Variants in RORA observed in about 807,000 individuals in gnomAD.
RORA encodes nuclear receptor ROR-alpha.
RORA carries 7 observed loss-of-function variants against 69.5 expected under a neutral mutation model. The ratio of observed to expected loss-of-function variants is 0.10; its 90% CI spans 0.06 to 0.19. The LOEUF (loss-of-function observed/expected upper bound fraction) is 0.19. Among genes scored for constraint, RORA ranks in the 10% least tolerant of loss-of-function variants. RORA has a pLI of 1.00. For synonymous variants in RORA, 261 were observed against 240.8 expected (o/e 1.08, Z -0.78); for missense variants, 457 against 663.0 (o/e 0.69, Z 3.41).
intron 1 of RORA, among the ~76,000 whole-genome samples, chr15:60,738,154 A>G (rs2071527157): frequency 1.3e-5 from 2 of 152,222 alleles, no homozygotes; most frequent in South Asian, 4.1e-4. Flanking sequence ...CCGAGACCGT[A>G]GCAGCTTCTG....
intron 1 of RORA, among the ~76,000 whole-genome samples, chr15:60,683,291 G>A (rs1312283720): frequency 8.2e-6 from 1 of 122,416 alleles, no homozygotes; most frequent in Non-Finnish European, 1.7e-5. Flanking sequence ...GATTAAAGGC[G>A]TAAGCCACCT....
At chr15:60,875,893 G>A (rs967814844) in intron 1 of RORA, among the ~76,000 whole-genome samples, 1 of 152,138 alleles carries the variant, frequency 6.6e-6, no homozygotes, top group Admixed American at 6.5e-5. Context: ...TCACCTGATG[G>A]CAGGCTCCAG....
At chr15:61,083,217 C>T (rs1038616118) in intron 1 of RORA, among the ~76,000 whole-genome samples, 2 of 152,194 alleles carry the variant, frequency 1.3e-5, no homozygotes, top group African/African-American at 4.8e-5. Flanking sequence ...GAGGCTGACA[C>T]GGCTTCCCTC....
intron 1 of RORA, among the ~76,000 whole-genome samples, chr15:61,218,674 T>TCACACA (rs3054672): frequency 0.49 from 69,576 of 142,662 alleles, 18,676 homozygotes; most frequent in South Asian, 0.64. Context: ...CTAATATAAC[T>TCACACA]CACACACACA....
intron 1 of RORA, among the ~76,000 whole-genome samples, chr15:60,986,778 A>C (rs954776489): frequency 6.6e-6 from 1 of 152,170 alleles, no homozygotes; most frequent in Admixed American, 6.5e-5. Flanking sequence ...AAGCTGTCAC[A>C]TGGGGGTCAG....
At chr15:61,161,645 A>C (rs2079496805) in intron 1 of RORA, among the ~76,000 whole-genome samples, 2 of 151,324 alleles carry the variant, frequency 1.3e-5, no homozygotes, top group Non-Finnish European at 2.9e-5. Context: ...ATAACTACAA[A>C]AATAGAATCT....
In RORA at chr15:60,749,293, T is replaced by G. The variant is rs146707090; in HGVS notation, c.167-70607A>C. Among the ~76,000 whole-genome samples the G allele has an allele frequency of 1.9e-3, 287 of 152,352 alleles. 4 individuals carry two copies. The East Asian group carries it at 0.022, about 12-fold the overall frequency. On this transcript the variant is annotated intron_variant, in intron 1 of 10. Transcript: ENST00000335670. Reference sequence around the variant, plus strand: ...CACCATTAATTCTTCCAGTAAATTATTTCTCTAAAACATAGATGTAAAACT... The same window carrying G: ...CACCATTAATTCTTCCAGTAAATTAGTTCTCTAAAACATAGATGTAAAACT...
chr15:60,766,972 G>C (rs915062658), intron 1 of RORA, among the ~76,000 whole-genome samples: 4 of 152,150 alleles, frequency 2.6e-5, no homozygotes, highest in Non-Finnish European at 5.9e-5. Context: ...AGAAGATAGA[G>C]ATCAAAGGCT....
At chr15:61,130,269 C>G (rs1224194895) in intron 1 of RORA, among the ~76,000 whole-genome samples, 1 of 152,184 alleles carries the variant, frequency 6.6e-6, no homozygotes, top group Non-Finnish European at 1.5e-5. Flanking sequence ...GATAAATGTA[C>G]ACATCTGATT....
At chr15:60,847,072 T>C (rs1365613447) in intron 1 of RORA, among the ~76,000 whole-genome samples, 1 of 152,228 alleles carries the variant, frequency 6.6e-6, no homozygotes, top group East Asian at 1.9e-4. Context: ...TGGAATATAC[T>C]TCTTGTCCTA....
At chr15:61,056,505 A>G (rs549489453) in intron 1 of RORA, among the ~76,000 whole-genome samples, 33 of 152,328 alleles carry the variant, frequency 2.2e-4, no homozygotes, top group African/African-American at 6.5e-4. Flanking sequence ...GGAATTAACC[A>G]TATTTTGGGT....
intron 1 of RORA, among the ~76,000 whole-genome samples, chr15:60,761,758 G>C (rs1461357156): frequency 6.6e-6 from 1 of 152,098 alleles, no homozygotes; most frequent in Non-Finnish European, 1.5e-5. Context: ...CACTATATGA[G>C]AATTTTGGTC....
At chr15:61,090,830 CCT>C (rs1318145226) in intron 1 of RORA, among the ~76,000 whole-genome samples, 1 of 152,130 alleles carries the variant, frequency 6.6e-6, no homozygotes, top group African/African-American at 2.4e-5. Context: ...GTTATTCACC[CCT>C]GCCTGATAGC....
intron 1 of RORA, among the ~76,000 whole-genome samples, chr15:60,930,811 G>A (rs1202559384): frequency 1.3e-5 from 2 of 152,192 alleles, no homozygotes; most frequent in African/African-American, 4.8e-5. Context: ...AGGTCCGTGA[G>A]CAGAGATTCC....
At chr15:60,621,627 AAAT>A (rs2069410081) in intron 2 of RORA, among the ~76,000 whole-genome samples, 2 of 152,206 alleles carry the variant, frequency 1.3e-5, no homozygotes, top group South Asian at 4.1e-4. Context: ...GAGGCTTTAA[AAAT>A]ACAAAAACAG....
At chr15:61,189,749 C>T (rs1245106808) in intron 1 of RORA, among the ~76,000 whole-genome samples, 2 of 146,178 alleles carry the variant, frequency 1.4e-5, no homozygotes, top group Admixed American at 7.1e-5. Context: ...CCCAGCTGCT[C>T]AGGAGGCTGA....
chr15:61,139,929 T>C (rs1267729871), intron 1 of RORA, among the ~76,000 whole-genome samples: 1 of 152,190 alleles, frequency 6.6e-6, no homozygotes, highest in African/African-American at 2.4e-5. Flanking sequence ...TTGAAAGGAA[T>C]TGTTACCTGA....
At chr15:60,527,164 A>G (rs1288705203) in intron 3 of RORA, among the ~76,000 whole-genome samples, 1 of 152,214 alleles carries the variant, frequency 6.6e-6, no homozygotes, top group African/African-American at 2.4e-5. Context: ...ACTAACCCCA[A>G]TACTGGATCG....
At chr15:60,544,469 C>T (rs1019287259) in intron 2 of RORA, among the ~76,000 whole-genome samples, 4 of 151,748 alleles carry the variant, frequency 2.6e-5, no homozygotes, top group African/African-American at 9.7e-5. Flanking sequence ...TCGTGCTCTC[C>T]CTGCTTTTTT....
Sources: allele counts gnomAD v4.1 joint callset (sites outside exome capture counted in the v4.1 genomes callset), GRCh38; gene constraint gnomAD v4.1.1; transcripts MANE v1.5; gene names NCBI Gene and HGNC (gene_info 2026-07-23, HGNC 2026-07-21).